MEF2A: variants seen among roughly 807,000 people sequenced by gnomAD.
MEF2A encodes the protein myocyte-specific enhancer factor 2A.
Under a neutral mutation model 55.8 loss-of-function variants are expected in MEF2A, and 28 were observed. That is an observed-to-expected ratio of 0.50 (90% CI 0.37 to 0.69). The LOEUF (loss-of-function observed/expected upper bound fraction) is 0.69. MEF2A is among the 30% of genes least tolerant of loss of function. The pLI, the probability that MEF2A is intolerant of heterozygous loss-of-function variation, is 0.00. For synonymous variants in MEF2A, 239 were observed against 227.1 expected (o/e 1.05, Z -0.47); for missense variants, 528 against 626.2 (o/e 0.84, Z 1.67).
chr15:99,580,587 T>C (rs1425704797), intron 1 of MEF2A, among the ~76,000 whole-genome samples: 1 of 152,172 alleles, frequency 6.6e-6, no homozygotes, highest in African/African-American at 2.4e-5. Context: ...CAAATACTGG[T>C]TCTGGGTTAT....
rs978256971 is a variant in MEF2A, at chr15:99,674,465, A to G, written c.463A>G (p.Thr155Ala). Reference protein sequence around the residue: ...PVTSPNALSYTNPGSSLVSPS... With the variant: ...PVTSPNALSYANPGSSLVSPS... The stretch of plus-strand genomic sequence containing the variant: ...GACCAGCCCCAATGCTTTGTCCTAC[A>G]CTAACCCAGGGAGTTCACTGGTGTC... The change falls in exon 6 of 12, where the codon ACT (threonine) becomes GCT (alanine). Residue 155 changes from threonine (T) to alanine (A), a missense_variant. Physicochemically the swap from Thr to Ala is moderately conservative, Grantham distance 58. This residue lies in a region of MEF2A where 450 missense variants were observed against 475.3 expected (regional missense o/e 0.95). Coordinates refer to ENST00000557942, the MANE Select transcript of MEF2A (RefSeq NM_001319206.4). The G allele has an allele frequency of 1.9e-6, 3 of 1,613,798 alleles. No homozygotes were observed. Among genetic ancestry groups the G allele is most frequent in the Non-Finnish European group, 1.7e-6 (2 of 1,179,884 alleles).
chr15:99,664,370 A>G (rs181356200), intron 4 of MEF2A, among the ~76,000 whole-genome samples: 12 of 152,332 alleles, frequency 7.9e-5, no homozygotes, highest in South Asian at 4.1e-4. Flanking sequence ...CAGGAACTTC[A>G]TATTAAGGGC....
chr15:99,709,633 C>T (rs1282546328), intron 10 of MEF2A, among the ~76,000 whole-genome samples: 2 of 152,168 alleles, frequency 1.3e-5, no homozygotes, highest in African/African-American at 4.8e-5. Flanking sequence ...TCTCTTGAGA[C>T]ATGAGAAAGA....
chr15:99,703,227 G>A, intron 8 of MEF2A, 135 bp from the exon 9 acceptor site: 1 of 712,388 alleles, frequency 1.4e-6, no homozygotes, highest in Non-Finnish European at 2.4e-6. Flanking sequence ...ATTTCTATCT[G>A]TTGTGTATAT....
At chr15:99,701,213 G>A (rs559517401) in intron 8 of MEF2A, among the ~76,000 whole-genome samples, 1 of 152,332 alleles carries the variant, frequency 6.6e-6, no homozygotes, top group South Asian at 2.1e-4. Flanking sequence ...AACATCACCA[G>A]TAATGGGACA....
intron 4 of MEF2A, chr15:99,657,285 C>A (rs1010950567): frequency 6.6e-6 from 1 of 150,510 alleles, no homozygotes; most frequent in African/African-American, 2.5e-5. Flanking sequence ...TTTTGAGGAA[C>A]TGCCAAACCC....
At chr15:99,597,687 T>G (rs957354649) in intron 1 of MEF2A, among the ~76,000 whole-genome samples, 1 of 152,194 alleles carries the variant, frequency 6.6e-6, no homozygotes, top group African/African-American at 2.4e-5. Flanking sequence ...TCACGGAACC[T>G]ACCGACATGT....
At chr15:99,681,581 C>T (rs62042267) in intron 7 of MEF2A, among the ~76,000 whole-genome samples, 63,079 of 152,016 alleles carry the variant, frequency 0.41, 14,670 homozygotes, top group Middle Eastern at 0.61. Flanking sequence ...GATATGTTGC[C>T]TTTTGGGGGC....
chr15:99,627,196 G>C (rs558820927), intron 2 of MEF2A, among the ~76,000 whole-genome samples: 3 of 151,870 alleles, frequency 2.0e-5, no homozygotes, highest in African/African-American at 7.2e-5. Flanking sequence ...AGTGGGTTAG[G>C]GCCAGTGAAA....
At chr15:99,609,164 G>A (rs1976247479) in intron 2 of MEF2A, among the ~76,000 whole-genome samples, 1 of 152,180 alleles carries the variant, frequency 6.6e-6, no homozygotes, top group Admixed American at 6.5e-5. Flanking sequence ...AGGCCCATGT[G>A]CATGGCATGA....
chr15:99,706,625 GAC>G (rs1285951241), intron 9 of MEF2A, 102 bp from the exon 10 acceptor site: 5 of 1,279,434 alleles, frequency 3.9e-6, no homozygotes, highest in Non-Finnish European at 5.6e-6. Context: ...TTCAGAAAAT[GAC>G]ATTCATATGA....
intron 4 of MEF2A, among the ~76,000 whole-genome samples, chr15:99,663,093 T>C (rs184650740): frequency 6.6e-6 from 1 of 152,110 alleles, no homozygotes; most frequent in East Asian, 1.9e-4. Context: ...TTTTTTTCAG[T>C]TCTTGGTAGG....
intron 4 of MEF2A, among the ~76,000 whole-genome samples, chr15:99,650,481 C>G (rs898451627): frequency 6.6e-6 from 1 of 152,146 alleles, no homozygotes; most frequent in African/African-American, 2.4e-5. Context: ...CTAGTAAAGA[C>G]TTCATTTGAA....
At chr15:99,593,485 G>A (rs1970064058) in intron 1 of MEF2A, among the ~76,000 whole-genome samples, 1 of 152,192 alleles carries the variant, frequency 6.6e-6, no homozygotes, top group African/African-American at 2.4e-5. Flanking sequence ...AAGGCATGAG[G>A]AGTTGGGTGC....
At chr15:99,683,055 A>G (rs1186039173) in intron 7 of MEF2A, among the ~76,000 whole-genome samples, 2 of 152,190 alleles carry the variant, frequency 1.3e-5, no homozygotes, top group Non-Finnish European at 2.9e-5. Flanking sequence ...TAATTCTTCA[A>G]CTGTCTGGCT....
chr15:99,696,906 A>G (rs2056555379), intron 8 of MEF2A, among the ~76,000 whole-genome samples: 1 of 152,188 alleles, frequency 6.6e-6, no homozygotes, highest in African/African-American at 2.4e-5. Context: ...AAAAATCCTC[A>G]GTAAAAAGTA....
chr15:99,668,455 C>CGAA (rs1487555462), intron 4 of MEF2A, among the ~76,000 whole-genome samples: 1 of 152,120 alleles, frequency 6.6e-6, no homozygotes, highest in Non-Finnish European at 1.5e-5. Flanking sequence ...TGAGTTTTCT[C>CGAA]CTTAAGTTTG....
chr15:99,585,437 A>G (rs1251018365), intron 1 of MEF2A, among the ~76,000 whole-genome samples: 1 of 152,194 alleles, frequency 6.6e-6, no homozygotes, highest in African/African-American at 2.4e-5. Flanking sequence ...ATCTATTTAT[A>G]TGTTTTGAAA....
At position 99,715,449 on chromosome 15, in the gene MEF2A, A is replaced by G. The variant is rs932118580; in HGVS notation, c.*2678A>G. On this transcript the variant is annotated 3_prime_UTR_variant, in exon 12 of 12. Transcript: ENST00000557942. The stretch of plus-strand genomic sequence containing the variant: ...GTATTTAAATTACACTGACCAAGTA[A>G]CAATGTATTCCATTTCAGGAACTGA... The G allele has an allele frequency of 1.4e-4, 21 of 152,244 alleles. No homozygotes were observed. The highest frequency in any genetic ancestry group is 5.1e-4 in the African/African-American group (21 of 41,460). 9.4% of individuals were successfully genotyped at this position (152,244 alleles called of 1,614,324 possible).
Sources: gnomAD v4.1 joint callset for allele counts (sites outside exome capture counted in the v4.1 genomes callset) on GRCh38, gnomAD v4.1.1 for gene constraint, gnomAD v4.1.1 regional missense constraint, MANE v1.5 for transcripts, NCBI Gene and HGNC (gene_info 2026-07-23, HGNC 2026-07-21) for gene names.